Variants in FSTL4 observed in about 807,000 individuals in gnomAD.
FSTL4 encodes the protein follistatin like 4, also known as follistatin-related protein 4.
In FSTL4, 28 loss-of-function variants were observed where a neutral mutation model predicts 78.2. The ratio of observed to expected loss-of-function variants is 0.36; its 90% CI spans 0.27 to 0.49. The LOEUF is 0.49. FSTL4 is among the 20% of genes least tolerant of loss of function. The probability of loss-of-function intolerance (pLI) is 0.98; values close to 1 mark genes in which losing one functional copy is unlikely to be tolerated. For synonymous variants in FSTL4, 422 were observed against 440.5 expected (o/e 0.96, Z 0.53); for missense variants, 922 against 1,084.9 (o/e 0.85, Z 2.11).
At chr5:133,335,560 T>C (rs978707363) in intron 4 of FSTL4, among the ~76,000 whole-genome samples, 1 of 151,942 alleles carries the variant, frequency 6.6e-6, no homozygotes, top group Non-Finnish European at 1.5e-5. Flanking sequence ...AGGCCTTGCA[T>C]GGTTGGCCTC....
intron 3 of FSTL4, among the ~76,000 whole-genome samples, chr5:133,430,135 G>C (rs868772378): frequency 6.6e-6 from 1 of 152,352 alleles, no homozygotes; most frequent in South Asian, 2.1e-4. Flanking sequence ...AAAGCTGCTT[G>C]GGTGTGGAAT....
chr5:133,616,765 C>T (rs1761207081), upstream of FSTL4, among the ~76,000 whole-genome samples: 2 of 152,124 alleles, frequency 1.3e-5, no homozygotes, highest in Non-Finnish European at 2.9e-5. Flanking sequence ...TGATGGGTCA[C>T]CTCAAGGGCT....
intron 6 of FSTL4, among the ~76,000 whole-genome samples, chr5:133,275,433 G>C (rs1752859333): frequency 6.6e-6 from 1 of 152,080 alleles, no homozygotes; most frequent in South Asian, 2.1e-4. Context: ...GGTGGCGGGT[G>C]CCTGTAGTCC....
intron 3 of FSTL4, among the ~76,000 whole-genome samples, chr5:133,550,918 C>T (rs951323149): frequency 6.6e-6 from 1 of 152,112 alleles, no homozygotes; most frequent in Non-Finnish European, 1.5e-5. Context: ...ATTTTCTTGT[C>T]CTTTTATATA....
chr5:133,792,501 C>T, the FSTL4 span, among the ~76,000 whole-genome samples: 2 of 152,192 alleles, frequency 1.3e-5, no homozygotes, highest in Non-Finnish European at 2.9e-5. Context: ...TCCCAGAGTT[C>T]GTGTGTCCCC....
intron 4 of FSTL4, among the ~76,000 whole-genome samples, chr5:133,358,219 G>A (rs78080038): frequency 0.068 from 10,380 of 152,224 alleles, 471 homozygotes; most frequent in Non-Finnish European, 0.093. Context: ...CCTGGGTCTA[G>A]AGCCTTAACT....
At chr5:133,329,907 G>A (rs1309016741) in intron 4 of FSTL4, among the ~76,000 whole-genome samples, 2 of 152,154 alleles carry the variant, frequency 1.3e-5, no homozygotes, top group Non-Finnish European at 2.9e-5. Flanking sequence ...TGTGTTACAC[G>A]ACATTCACCC....
chr5:133,481,539 C>CAA (rs34556142), intron 3 of FSTL4, among the ~76,000 whole-genome samples: 1,791 of 65,040 alleles, frequency 0.028, 115 homozygotes, highest in African/African-American at 0.081. Context: ...GAGACTGTCT[C>CAA]AAAAAAAAAA....
At chr5:133,712,947 C>T in the FSTL4 span, among the ~76,000 whole-genome samples, 6 of 152,168 alleles carry the variant, frequency 3.9e-5, no homozygotes, top group South Asian at 6.2e-4. Context: ...TAGATGAGCA[C>T]GTAAGAAGCT....
At chr5:133,200,738 G>A (rs943773507) in intron 15 of FSTL4, among the ~76,000 whole-genome samples, 1 of 152,194 alleles carries the variant, frequency 6.6e-6, no homozygotes, top group Non-Finnish European at 1.5e-5. Context: ...TTTTGGTGCT[G>A]TGTACACCTG....
chr5:133,204,780 G>T (rs1209344081), intron 14 of FSTL4, among the ~76,000 whole-genome samples: 5 of 149,452 alleles, frequency 3.3e-5, no homozygotes, highest in African/African-American at 1.3e-4. Flanking sequence ...AGGTTGCAGT[G>T]AGCCAAGATT....
intron 3 of FSTL4, among the ~76,000 whole-genome samples, chr5:133,526,916 C>T (rs750957424): frequency 4.6e-5 from 7 of 152,074 alleles, no homozygotes; most frequent in South Asian, 2.1e-4. Flanking sequence ...AAAGGCTCTC[C>T]GGAGGCAGTT....
At chr5:133,665,814 T>C in the FSTL4 span, among the ~76,000 whole-genome samples, 1 of 152,206 alleles carries the variant, frequency 6.6e-6, no homozygotes, top group South Asian at 2.1e-4. Flanking sequence ...TGAAAGCACC[T>C]AACCATCAGA....
At chr5:133,689,687 C>A in the FSTL4 span, among the ~76,000 whole-genome samples, 2 of 152,142 alleles carry the variant, frequency 1.3e-5, no homozygotes, top group Non-Finnish European at 2.9e-5. Flanking sequence ...CTTTTTCAAG[C>A]TTATTGTTTC....
chr5:133,352,265 C>T (rs200290762), intron 4 of FSTL4, among the ~76,000 whole-genome samples: 40 of 55,060 alleles, frequency 7.3e-4, no homozygotes, highest in Admixed American at 9.3e-4. Context: ...TATATATATA[C>T]ACACATATAT....
At chr5:133,638,209 T>TTA in the FSTL4 span, among the ~76,000 whole-genome samples, 15,301 of 152,098 alleles carry the variant, frequency 0.1, 822 homozygotes, top group Admixed American at 0.16. Context: ...GTCACTGCCT[T>TTA]TACAGCCACC....
intron 2 of FSTL4, among the ~76,000 whole-genome samples, chr5:133,598,502 A>C (rs1760788206): frequency 6.6e-6 from 1 of 151,956 alleles, no homozygotes; most frequent in Non-Finnish European, 1.5e-5. Context: ...TTTGCCTTGA[A>C]AATTATAAAT....
intron 4 of FSTL4, among the ~76,000 whole-genome samples, chr5:133,397,618 C>T (rs550195692): frequency 6.6e-6 from 1 of 152,148 alleles, no homozygotes; most frequent in Non-Finnish European, 1.5e-5. Flanking sequence ...TGTGTCCCCC[C>T]ACCAGTCCTC....
At chr5:133,627,577 G>T in the FSTL4 span, among the ~76,000 whole-genome samples, 1 of 152,108 alleles carries the variant, frequency 6.6e-6, no homozygotes. Context: ...TAGGTACTTT[G>T]AATTCTTTTG....
Sources: allele counts gnomAD v4.1 joint callset (sites outside exome capture counted in the v4.1 genomes callset), GRCh38; gene constraint gnomAD v4.1.1; transcripts MANE v1.5; gene names NCBI Gene and HGNC (gene_info 2026-07-23, HGNC 2026-07-21).